Variants in DSCAM observed in about 807,000 individuals in gnomAD.
The protein encoded by DSCAM is cell adhesion molecule DSCAM.
In DSCAM, 47 loss-of-function variants were observed where a neutral mutation model predicts 217.7. The ratio of observed to expected loss-of-function variants is 0.22; its 90% CI spans 0.17 to 0.28. The LOEUF is 0.28. Ranked by LOEUF, DSCAM falls within the 10% of genes least tolerant of loss-of-function variation. The pLI is 1.00. For missense variants in DSCAM, 2,080 were observed against 2,618.3 expected (o/e 0.79, Z 4.49); for synonymous variants, 1,056 against 1,015.3 (o/e 1.04, Z -0.76).
intron 3 of DSCAM, among the ~76,000 whole-genome samples, chr21:40,662,651 C>A (rs1338137666): frequency 6.6e-6 from 1 of 152,096 alleles, no homozygotes; most frequent in Non-Finnish European, 1.5e-5. Flanking sequence ...ACCCTGTTCC[C>A]CAACATGATG....
intron 30 of DSCAM, among the ~76,000 whole-genome samples, chr21:40,045,934 G>A (rs570245003): frequency 6.2e-4 from 95 of 152,332 alleles, no homozygotes; most frequent in African/African-American, 2.2e-3. Context: ...GACATACAGA[G>A]TTTTCTGAAG....
intron 3 of DSCAM, among the ~76,000 whole-genome samples, chr21:40,443,314 T>C (rs2075647925): frequency 6.6e-6 from 1 of 152,270 alleles, no homozygotes; most frequent in Admixed American, 6.5e-5. Flanking sequence ...CCATTTATGC[T>C]GCAGTAGAGT....
At chr21:40,188,300 C>T (rs896903261) in intron 12 of DSCAM, among the ~76,000 whole-genome samples, 6 of 152,174 alleles carry the variant, frequency 3.9e-5, no homozygotes, top group Admixed American at 3.3e-4. Context: ...TATAAGATGT[C>T]GTGGTCAGCT....
chr21:40,357,513 A>AT (rs2074706915), intron 4 of DSCAM, among the ~76,000 whole-genome samples: 3 of 152,292 alleles, frequency 2.0e-5, no homozygotes, highest in South Asian at 4.1e-4. Context: ...ACCACATGGG[A>AT]TTTTTTAATT....
At chr21:40,239,310 T>A (rs2146938435) in intron 11 of DSCAM, among the ~76,000 whole-genome samples, 1 of 152,290 alleles carries the variant, frequency 6.6e-6, no homozygotes, top group South Asian at 2.1e-4. Context: ...ATATCACAAG[T>A]TTCTTAGGAA....
At chr21:40,039,125 A>G (rs112144016) in intron 32 of DSCAM, among the ~76,000 whole-genome samples, 30,259 of 151,822 alleles carry the variant, frequency 0.2, 3,230 homozygotes, top group South Asian at 0.34. Context: ...TATGTAACTA[A>G]CCTGCACAAT....
chr21:40,752,407 G>A (rs896281915), intron 1 of DSCAM, among the ~76,000 whole-genome samples: 2 of 152,142 alleles, frequency 1.3e-5, no homozygotes, highest in African/African-American at 4.8e-5. Context: ...AAGAGGCAGG[G>A]ACCACGTTTA....
intron 3 of DSCAM, among the ~76,000 whole-genome samples, chr21:40,647,632 TTGG>T (rs2089963358): frequency 6.6e-6 from 1 of 152,240 alleles, no homozygotes; most frequent in Non-Finnish European, 1.5e-5. Flanking sequence ...GACAAAATCT[TTGG>T]TGTAGTTAGG....
At chr21:40,503,690 A>C (rs1222403028) in intron 3 of DSCAM, among the ~76,000 whole-genome samples, 1 of 152,198 alleles carries the variant, frequency 6.6e-6, no homozygotes, top group Non-Finnish European at 1.5e-5. Context: ...AGTCATTAAC[A>C]TTCGTCTCTT....
At chr21:40,472,391 C>G (rs1054264310) in intron 3 of DSCAM, among the ~76,000 whole-genome samples, 4 of 152,126 alleles carry the variant, frequency 2.6e-5, no homozygotes, top group African/African-American at 9.7e-5. Context: ...AATCCAGAAG[C>G]AAACCCGTAA....
At chr21:40,162,073 T>G (rs2090546525) in intron 16 of DSCAM, among the ~76,000 whole-genome samples, 1 of 152,212 alleles carries the variant, frequency 6.6e-6, no homozygotes, top group African/African-American at 2.4e-5. Flanking sequence ...AGTTAATATT[T>G]ATTGAGCATT....
At chr21:40,639,515 C>G (rs76192841) in intron 3 of DSCAM, among the ~76,000 whole-genome samples, 1 of 152,044 alleles carries the variant, frequency 6.6e-6, no homozygotes, top group Non-Finnish European at 1.5e-5. Context: ...GAAATTTGAA[C>G]GATTTTGAAA....
chr21:40,817,468 CT>C (rs1300701029), intron 1 of DSCAM, among the ~76,000 whole-genome samples: 32 of 152,162 alleles, frequency 2.1e-4, no homozygotes, highest in African/African-American at 7.5e-4. Flanking sequence ...ATGAAATCCC[CT>C]GGAAGAAGAA....
intron 3 of DSCAM, among the ~76,000 whole-genome samples, chr21:40,397,430 C>A (rs1156952810): frequency 6.6e-6 from 1 of 152,088 alleles, no homozygotes; most frequent in East Asian, 1.9e-4. Context: ...GTGTGACATG[C>A]CTGTTCCCCC....
At chr21:40,490,357 T>C (rs545783647) in intron 3 of DSCAM, among the ~76,000 whole-genome samples, 137 of 152,302 alleles carry the variant, frequency 9.0e-4, no homozygotes, top group African/African-American at 3.0e-3. Flanking sequence ...TTTAAAAAAA[T>C]GGAATCTATA....
intron 3 of DSCAM, among the ~76,000 whole-genome samples, chr21:40,689,366 C>T (rs2090516010): frequency 6.6e-6 from 1 of 152,218 alleles, no homozygotes; most frequent in South Asian, 2.1e-4. Flanking sequence ...GATCTCCCAA[C>T]AGTCAAGGCT....
At chr21:40,193,644 T>C (rs7280761) in intron 11 of DSCAM, among the ~76,000 whole-genome samples, 8,903 of 152,214 alleles carry the variant, frequency 0.058, 610 homozygotes, top group African/African-American at 0.17. Context: ...GAAACTCTTG[T>C]TGCAAAACTG....
chr21:40,563,873 G>T (rs1298573803), intron 3 of DSCAM, among the ~76,000 whole-genome samples: 1 of 150,312 alleles, frequency 6.7e-6, no homozygotes, highest in Admixed American at 6.6e-5. Flanking sequence ...TTTATATATA[G>T]TTATATGTTT....
At chr21:40,296,252 C>T in intron 9 of DSCAM, 78 bp from the exon 10 acceptor site, 1 of 1,482,518 alleles carries the variant, frequency 6.7e-7, no homozygotes, top group Non-Finnish European at 9.2e-7. Flanking sequence ...GAAACTGAAT[C>T]ATTTTAATGA....
Sources: allele counts gnomAD v4.1 joint callset (sites outside exome capture counted in the v4.1 genomes callset), GRCh38; gene constraint gnomAD v4.1.1; transcripts MANE v1.5; gene names NCBI Gene and HGNC (gene_info 2026-07-23, HGNC 2026-07-21).